CADM2: variants seen among roughly 807,000 people sequenced by gnomAD.
CADM2 encodes the protein immunoglobulin superfamily member 4D.
A neutral mutation model predicts 49.8 loss-of-function variants in CADM2; 12 were observed. That is an observed-to-expected ratio of 0.24 (90% confidence interval 0.15 to 0.39). The LOEUF (loss-of-function observed/expected upper bound fraction) is 0.39, where lower values mean the gene tolerates loss of function less well. CADM2 is among the 10% of genes least tolerant of loss of function. The pLI is 1.00. For missense variants in CADM2, 378 were observed against 492.3 expected (o/e 0.77, Z 2.20); for synonymous variants, 214 against 175.4 (o/e 1.22, Z -1.74).
intron 1 of CADM2, among the ~76,000 whole-genome samples, chr3:85,066,559 G>A (rs568814223): frequency 1.8e-4 from 27 of 151,872 alleles, no homozygotes; most frequent in Admixed American, 7.2e-4. Flanking sequence ...ACACACAAAC[G>A]TGTGAGGCAT....
chr3:85,995,618 T>C (rs891727634), intron 8 of CADM2, among the ~76,000 whole-genome samples: 2 of 152,202 alleles, frequency 1.3e-5, no homozygotes, highest in Non-Finnish European at 2.9e-5. Flanking sequence ...CTTATGACCA[T>C]ACACTATTTA....
intron 1 of CADM2, among the ~76,000 whole-genome samples, chr3:85,155,513 C>A (rs1458881397): frequency 6.6e-6 from 1 of 152,058 alleles, no homozygotes; most frequent in South Asian, 2.1e-4. Flanking sequence ...ACCCCACTGT[C>A]AACATTAGAC....
At chr3:85,798,971 T>G (rs187603415) in intron 2 of CADM2, among the ~76,000 whole-genome samples, 4 of 152,216 alleles carry the variant, frequency 2.6e-5, no homozygotes. Flanking sequence ...TAGTTCTCTT[T>G]GAAGAGGTCC....
At chr3:85,382,259 T>C (rs1333028755) in intron 1 of CADM2, among the ~76,000 whole-genome samples, 3 of 152,166 alleles carry the variant, frequency 2.0e-5, no homozygotes, top group East Asian at 1.9e-4. Context: ...GGCAGAGAAG[T>C]GCTTATATAG....
chr3:85,013,892 A>T (rs2034117156), intron 1 of CADM2, among the ~76,000 whole-genome samples: 2 of 147,344 alleles, frequency 1.4e-5, no homozygotes, highest in Admixed American at 6.9e-5. Context: ...TAATATTAAT[A>T]TATTATTGTA....
At chr3:85,659,955 T>G (rs2065349074) in intron 1 of CADM2, among the ~76,000 whole-genome samples, 1 of 152,204 alleles carries the variant, frequency 6.6e-6, no homozygotes, top group South Asian at 2.1e-4. Context: ...AAATGTCTTC[T>G]TATGAACTTG....
At chr3:84,973,148 G>T (rs2031578590) in intron 1 of CADM2, among the ~76,000 whole-genome samples, 1 of 152,178 alleles carries the variant, frequency 6.6e-6, no homozygotes, top group Non-Finnish European at 1.5e-5. Context: ...CCTGGCCTCA[G>T]GTGATCCGCC....
intron 1 of CADM2, among the ~76,000 whole-genome samples, chr3:85,373,383 T>C (rs910524353): frequency 6.6e-6 from 1 of 152,146 alleles, no homozygotes; most frequent in African/African-American, 2.4e-5. Context: ...AGGGGTGGGT[T>C]CCCATGGTCT....
At chr3:85,367,785 A>C (rs1246339239) in intron 1 of CADM2, among the ~76,000 whole-genome samples, 1 of 151,718 alleles carries the variant, frequency 6.6e-6, no homozygotes, top group Non-Finnish European at 1.5e-5. Flanking sequence ...TTTGTTCACC[A>C]TCATCATGTG....
chr3:85,585,724 C>T (rs1375556), intron 1 of CADM2, among the ~76,000 whole-genome samples: 132,904 of 151,934 alleles, frequency 0.87, 58,267 homozygotes, highest in East Asian at 0.95. Flanking sequence ...TCAAAGATGT[C>T]ACCAGAGACA....
At chr3:85,064,628 G>T (rs1453442763) in intron 1 of CADM2, among the ~76,000 whole-genome samples, 1 of 151,998 alleles carries the variant, frequency 6.6e-6, no homozygotes, top group Non-Finnish European at 1.5e-5. Context: ...GAGAAGAAGG[G>T]CTATTCTTAA....
At chr3:85,716,124 A>T (rs1345328452) in intron 1 of CADM2, among the ~76,000 whole-genome samples, 1 of 152,188 alleles carries the variant, frequency 6.6e-6, no homozygotes. Context: ...TCCCATCAAC[A>T]GTGTAAAAGT....
At chr3:85,731,817 A>G (rs1011345994) in intron 2 of CADM2, among the ~76,000 whole-genome samples, 2 of 152,098 alleles carry the variant, frequency 1.3e-5, no homozygotes, top group Non-Finnish European at 2.9e-5. Flanking sequence ...ATTATGACAA[A>G]GAGAGGCTTA....
At chr3:85,885,700 A>T (rs983283691) in intron 4 of CADM2, among the ~76,000 whole-genome samples, 17 of 149,864 alleles carry the variant, frequency 1.1e-4, no homozygotes, top group Non-Finnish European at 1.5e-5. Flanking sequence ...AAAAAAAAAA[A>T]AATTAGTCGG....
intron 1 of CADM2, among the ~76,000 whole-genome samples, chr3:85,617,644 C>T (rs1230665579): frequency 6.6e-6 from 1 of 152,084 alleles, no homozygotes; most frequent in Non-Finnish European, 1.5e-5. Context: ...GAGTTTGGGG[C>T]GTGGGGCTGA....
chr3:85,402,518 G>T (rs542706932), intron 1 of CADM2, among the ~76,000 whole-genome samples: 11 of 146,904 alleles, frequency 7.5e-5, no homozygotes, highest in Admixed American at 2.0e-4. Flanking sequence ...TGTGTAGGTC[G>T]CAAAAGAATA....
At chr3:85,456,539 A>G (rs1413189095) in intron 1 of CADM2, among the ~76,000 whole-genome samples, 1 of 152,212 alleles carries the variant, frequency 6.6e-6, no homozygotes, top group Non-Finnish European at 1.5e-5. Context: ...TATGTTATAC[A>G]TTCAACTATC....
intron 1 of CADM2, among the ~76,000 whole-genome samples, chr3:85,368,099 T>G (rs1349215989): frequency 6.6e-6 from 1 of 152,082 alleles, no homozygotes; most frequent in Non-Finnish European, 1.5e-5. Context: ...AAGATATCTT[T>G]CCAATAATTT....
intron 1 of CADM2, among the ~76,000 whole-genome samples, chr3:85,380,583 T>G (rs1316021413): frequency 6.6e-6 from 1 of 151,990 alleles, no homozygotes; most frequent in South Asian, 2.1e-4. Flanking sequence ...TTTGTATTAT[T>G]TTTTCAAGTG....
Sources: gnomAD v4.1 joint callset for allele counts (sites outside exome capture counted in the v4.1 genomes callset) on GRCh38, gnomAD v4.1.1 for gene constraint, MANE v1.5 for transcripts, NCBI Gene and HGNC (gene_info 2026-07-23, HGNC 2026-07-21) for gene names.